Variants in PPP2R3A observed in about 807,000 individuals in gnomAD.
PPP2R3A encodes the protein serine/threonine-protein phosphatase 2A regulatory subunit B'' subunit alpha.
A neutral mutation model predicts 106.9 loss-of-function variants in PPP2R3A; 80 were observed. The ratio of observed to expected loss-of-function variants is 0.75; its 90% CI spans 0.62 to 0.90. The LOEUF (loss-of-function observed/expected upper bound fraction) is 0.90. PPP2R3A is among the 40% of genes least tolerant of loss of function. The probability of loss-of-function intolerance (pLI) is 0.00; values close to 1 mark genes in which losing one functional copy is unlikely to be tolerated. For synonymous variants in PPP2R3A, 483 were observed against 468.3 expected (o/e 1.03, Z -0.41); for missense variants, 1,386 against 1,350.4 (o/e 1.03, Z -0.41).
intron 1 of PPP2R3A, among the ~76,000 whole-genome samples, chr3:135,979,679 A>G (rs1937512801): frequency 6.6e-6 from 1 of 151,870 alleles, no homozygotes; most frequent in Admixed American, 6.5e-5. Context: ...TCCTGCCATC[A>G]TTATAATAAA....
Position 136,002,140 on chromosome 3 carries a change from T to C in PPP2R3A, c.642T>C (p.Ile214=). 1.2e-6 allele frequency: 2 copies of C among 1,613,996 alleles called. No individual in the cohort carries two copies. Among genetic ancestry groups the C allele is most frequent in the South Asian group, 2.2e-5 (2 of 91,048 alleles). The change falls in exon 2 of 14, where the codon ATT becomes ATC. Residue 214 remains isoleucine (I), a synonymous_variant. Coordinates refer to ENST00000264977, the MANE Select transcript of PPP2R3A (RefSeq NM_002718.5). ...CTGAAGAAGACTTGGTTACTCAGAT[T>C]TTGGAAAAACATAAAATAGATAATT... is the stretch of plus-strand genomic sequence containing the variant. ...NFSEEDLVTQ[I]LEKHKIDNFS...
chr3:136,070,444 T>G, intron 5 of PPP2R3A, 34 bp from the exon 6 acceptor site: 2 of 1,553,080 alleles, frequency 1.3e-6, no homozygotes, highest in Non-Finnish European at 1.7e-6. Context: ...TTTTGTATGT[T>G]TGTTAATTTA....
At chr3:135,980,574 G>C (rs1419894828) in intron 1 of PPP2R3A, among the ~76,000 whole-genome samples, 1 of 151,798 alleles carries the variant, frequency 6.6e-6, no homozygotes, top group Non-Finnish European at 1.5e-5. Context: ...CACCCAACAG[G>C]AACGAGGGAC....
intron 3 of PPP2R3A, among the ~76,000 whole-genome samples, chr3:136,033,641 A>G (rs766119585): frequency 7.2e-5 from 11 of 152,170 alleles, no homozygotes; most frequent in Non-Finnish European, 1.5e-4. Flanking sequence ...GAATTTATTC[A>G]TCTCTTCTAG....
chr3:136,140,614 G>A (rs936530289), intron 13 of PPP2R3A, among the ~76,000 whole-genome samples: 9 of 151,984 alleles, frequency 5.9e-5, no homozygotes, highest in African/African-American at 2.2e-4. Context: ...CAGGTGTGGT[G>A]GCACATGCCT....
intron 1 of PPP2R3A, among the ~76,000 whole-genome samples, chr3:135,995,929 C>G (rs1933378973): frequency 6.6e-6 from 1 of 152,166 alleles, no homozygotes; most frequent in African/African-American, 2.4e-5. Flanking sequence ...TACTTTCTTT[C>G]TCTGCCATCC....
At chr3:136,136,922 C>T (rs976557021) in intron 13 of PPP2R3A, among the ~76,000 whole-genome samples, 19 of 152,086 alleles carry the variant, frequency 1.2e-4, no homozygotes, top group Admixed American at 3.9e-4. Context: ...CCAAAGCTTC[C>T]GTAAGTATGA....
chr3:136,013,112 G>A lies in PPP2R3A; in HGVS notation c.1995+9619G>A, dbSNP rs564737915. 5.3e-5 allele frequency among the ~76,000 whole-genome samples: 8 copies of A among 151,782 alleles called. No homozygotes were observed. In the South Asian group the frequency reaches 6.2e-4, roughly 12 times the overall value. On this transcript the variant is annotated intron_variant, in intron 2 of 13. Coordinates refer to ENST00000264977, the MANE Select transcript of PPP2R3A (RefSeq NM_002718.5). ...TCTCCAATTCCATCCAGGTTTCTGC[G>A]AATGCCATTATTTCATTAGTTTTTA...
intron 5 of PPP2R3A, among the ~76,000 whole-genome samples, chr3:136,060,958 T>C (rs1302993137): frequency 6.6e-6 from 1 of 152,148 alleles, no homozygotes. Flanking sequence ...CCACAATAAA[T>C]ACATATTTTG....
chr3:136,034,455 T>C (rs1470027022), intron 3 of PPP2R3A, among the ~76,000 whole-genome samples: 1 of 152,256 alleles, frequency 6.6e-6, no homozygotes, highest in East Asian at 1.9e-4. Context: ...AATGTTTTAA[T>C]TTCCATCTTG....
At chr3:135,981,833 A>G (rs540024196) in intron 1 of PPP2R3A, among the ~76,000 whole-genome samples, 7 of 151,916 alleles carry the variant, frequency 4.6e-5, no homozygotes, top group African/African-American at 1.5e-4. Context: ...GCCAAGGGAG[A>G]ATAGTACAAG....
At chr3:135,970,691 G>C (rs992707219) in intron 1 of PPP2R3A, among the ~76,000 whole-genome samples, 1 of 152,142 alleles carries the variant, frequency 6.6e-6, no homozygotes, top group Non-Finnish European at 1.5e-5. Flanking sequence ...CCTTTGAGAA[G>C]CTTGCCCAAA....
At chr3:136,069,269 A>T (rs146985418) in intron 5 of PPP2R3A, among the ~76,000 whole-genome samples, 1 of 152,158 alleles carries the variant, frequency 6.6e-6, no homozygotes, top group Admixed American at 6.5e-5. Flanking sequence ...TTTTGTAAGT[A>T]TAAGATTATT....
In PPP2R3A at chr3:136,040,943, T is replaced by C; in HGVS notation, c.2347T>C (p.Phe783Leu). 3.7e-6 allele frequency: 6 copies of C among 1,613,480 alleles called. No homozygotes were observed. Among genetic ancestry groups the C allele is most frequent in the Non-Finnish European group, 4.2e-6 (5 of 1,179,718 alleles). The change falls in exon 4 of 14, where the codon TTC becomes CTC. Residue 783 changes from phenylalanine (F) to leucine (L), a missense_variant. By Grantham distance (22) the Phe-to-Leu change is conservative. Coordinates refer to ENST00000264977, the MANE Select transcript of PPP2R3A (RefSeq NM_002718.5). ...GACAGGATTTGTGACAGCACAGTCA[T>C]TCATTGCCATGTGGAGAAAGTAAGT... ...EKTGFVTAQS[F>L]IAMWRKLLNN...
At chr3:136,114,955 C>G (rs1937686972) in intron 13 of PPP2R3A, among the ~76,000 whole-genome samples, 1 of 152,304 alleles carries the variant, frequency 6.6e-6, no homozygotes. Context: ...TCCCTGACCT[C>G]CAGGTATCCT....
chr3:136,076,882 G>A (rs1202878113), intron 6 of PPP2R3A, among the ~76,000 whole-genome samples: 1 of 151,900 alleles, frequency 6.6e-6, no homozygotes, highest in Non-Finnish European at 1.5e-5. Context: ...GGGAGGTGGA[G>A]CTTGCAGTGA....
chr3:136,092,019 T>G (rs1265458902), intron 10 of PPP2R3A, among the ~76,000 whole-genome samples: 1 of 152,152 alleles, frequency 6.6e-6, no homozygotes, highest in Non-Finnish European at 1.5e-5. Flanking sequence ...GAGTGTCTTG[T>G]TGGTACTCAA....
At chr3:136,041,491 C>G (rs1310932733) in intron 4 of PPP2R3A, among the ~76,000 whole-genome samples, 3 of 151,984 alleles carry the variant, frequency 2.0e-5, no homozygotes, top group South Asian at 2.1e-4. Context: ...TTAAGCAATC[C>G]TCCCAGCTCG....
At chr3:136,114,577 G>A (rs991744315) in intron 13 of PPP2R3A, among the ~76,000 whole-genome samples, 1 of 152,152 alleles carries the variant, frequency 6.6e-6, no homozygotes, top group African/African-American at 2.4e-5. Context: ...AGGTCAACCT[G>A]GAACACTCCA....
Sources: allele counts gnomAD v4.1 joint callset (sites outside exome capture counted in the v4.1 genomes callset), GRCh38; gene constraint gnomAD v4.1.1; transcripts MANE v1.5; gene names NCBI Gene and HGNC (gene_info 2026-07-23, HGNC 2026-07-21).